The following PIAS2 variants were observed in gnomAD, a reference collection of about 807,000 sequenced individuals.
PIAS2 encodes the protein E3 SUMO-protein ligase PIAS2.
A neutral mutation model predicts 69.7 loss-of-function variants in PIAS2; 19 were observed. The ratio of observed to expected loss-of-function variants is 0.27; its 90% CI spans 0.19 to 0.40. The LOEUF (loss-of-function observed/expected upper bound fraction) is 0.40, where lower values mean the gene tolerates loss of function less well. Among genes scored for constraint, PIAS2 ranks in the 10% least tolerant of loss-of-function variants. The probability of loss-of-function intolerance (pLI) is 1.00; values close to 1 mark genes in which losing one functional copy is unlikely to be tolerated. For missense variants in PIAS2, 624 were observed against 757.0 expected, an observed-to-expected ratio of 0.82 and a Z score of 2.06; for synonymous variants, 261 against 263.2, an observed-to-expected ratio of 0.99 and a Z score of 0.08.
intron 2 of PIAS2, among the ~76,000 whole-genome samples, chr18:46,882,322 T>C (rs2052405452): frequency 6.6e-6 from 1 of 152,124 alleles, no homozygotes; most frequent in Admixed American, 6.5e-5. Context: ...TTGATTCTTA[T>C]TAATTTTTCA....
intron 3 of PIAS2, among the ~76,000 whole-genome samples, chr18:46,857,944 A>G (rs939229217): frequency 1.3e-5 from 2 of 152,228 alleles, no homozygotes; most frequent in African/African-American, 4.8e-5. Flanking sequence ...TTGCAAATGC[A>G]AGCAGTGAAA....
chr18:46,917,351 A>G lies in PIAS2; in HGVS notation c.-6T>C, dbSNP rs1423235221. 2 of 1,465,468 alleles carry G rather than the reference A, an allele frequency of 1.4e-6. No homozygotes were observed. The highest frequency in any genetic ancestry group is 1.8e-6 in the Non-Finnish European group (2 of 1,103,776). The allele number at this position is 1,465,468 out of a possible 1,614,324, so 90.8% of individuals were successfully genotyped here. On this transcript the variant is annotated 5_prime_UTR_variant, in exon 1 of 14. Transcript: ENST00000585916. ...AACTCTTCGAAATCCGCCATTTTAT[A>G]CCACCCGCGGGCGCCGCCGCCGCTG...
At chr18:46,910,049 G>A (rs564372033) in intron 1 of PIAS2, among the ~76,000 whole-genome samples, 7 of 152,040 alleles carry the variant, frequency 4.6e-5, no homozygotes, top group African/African-American at 1.7e-4. Context: ...CCGGCTACTC[G>A]GGAGGCTGAG....
chr18:46,882,332 AC>A (rs2052407732), intron 2 of PIAS2, among the ~76,000 whole-genome samples: 1 of 152,084 alleles, frequency 6.6e-6, no homozygotes. Flanking sequence ...TTAATTTTTC[AC>A]CTTTCAGATT....
chr18:46,853,481 C>T (rs1320340449), intron 5 of PIAS2: 1 of 152,126 alleles, frequency 6.6e-6, no homozygotes, highest in African/African-American at 2.4e-5. Context: ...TGGTTCAGAT[C>T]TTTGTGCAAA....
At chr18:46,856,098 C>T (rs1434600024) in intron 3 of PIAS2, among the ~76,000 whole-genome samples, 4 of 150,146 alleles carry the variant, frequency 2.7e-5, no homozygotes, top group African/African-American at 7.4e-5. Context: ...CTCCGCCTCC[C>T]GGGTTCACGC....
chr18:46,836,917 C>A (rs2044518637), intron 8 of PIAS2, among the ~76,000 whole-genome samples: 4 of 152,160 alleles, frequency 2.6e-5, no homozygotes, highest in Admixed American at 2.6e-4. Context: ...ATACAATACA[C>A]ACTGTTTTCC....
intron 10 of PIAS2, among the ~76,000 whole-genome samples, chr18:46,828,548 C>T (rs1318050542): frequency 1.3e-5 from 2 of 152,182 alleles, no homozygotes; most frequent in Non-Finnish European, 2.9e-5. Flanking sequence ...TTCTCGCACA[C>T]ATGTGGCACA....
At chr18:46,916,615 CTTGTTTT>C (rs1460683478) in intron 1 of PIAS2, among the ~76,000 whole-genome samples, 1 of 152,134 alleles carries the variant, frequency 6.6e-6, no homozygotes, top group Non-Finnish European at 1.5e-5. Flanking sequence ...AAGTTATGAT[CTTGTTTT>C]AAGACTGAGA....
At chr18:46,816,298 T>C (rs2041528336) in intron 12 of PIAS2, 36 of 949,710 alleles carry the variant, frequency 3.8e-5, no homozygotes, top group Admixed American at 6.2e-5. Context: ...TTAAAATATC[T>C]ACTAACCAGT....
chr18:46,850,055 G>A (rs528045297), intron 5 of PIAS2, among the ~76,000 whole-genome samples: 58 of 152,226 alleles, frequency 3.8e-4, no homozygotes, highest in African/African-American at 1.2e-3. Context: ...TCTCCCAGGT[G>A]CCTCAAAATT....
intron 9 of PIAS2, among the ~76,000 whole-genome samples, chr18:46,835,739 C>T (rs1435648713): frequency 6.6e-6 from 1 of 152,128 alleles, no homozygotes; most frequent in African/African-American, 2.4e-5. Context: ...AAAGTCATCA[C>T]CATAGGATGG....
chr18:46,893,529 G>A (rs1293063129), intron 1 of PIAS2: 3 of 801,670 alleles, frequency 3.7e-6, no homozygotes, highest in Non-Finnish European at 4.5e-6. Flanking sequence ...CTGGCTCTAT[G>A]GGCTGTTGTA....
chr18:46,890,788 G>C lies in PIAS2; in HGVS notation c.291C>G (p.Ala97=). 6 of 1,614,128 alleles carry C rather than the reference G, an allele frequency of 3.7e-6. No individual in the cohort carries two copies. Among genetic ancestry groups the C allele is most frequent in the Non-Finnish European group, 5.1e-6 (6 of 1,180,018 alleles). ...GGSSPVEPDL[A]VAGIHSLPST... ...AAGGCAACGAGTGGATTCCAGCCAC[G>C]GCCAAGTCAGGTTCTACAGGTGATG... is the stretch of plus-strand genomic sequence containing the variant. Residue 97 remains alanine, a synonymous_variant, in exon 2 of 14, where the codon GCC becomes GCG. Coordinates refer to ENST00000585916, the MANE Select transcript of PIAS2 (RefSeq NM_004671.5).
At chr18:46,830,062 C>T (rs1336592404) in intron 9 of PIAS2, among the ~76,000 whole-genome samples, 195 bp from the exon 10 acceptor site, 2 of 152,124 alleles carry the variant, frequency 1.3e-5, no homozygotes, top group East Asian at 1.9e-4. Flanking sequence ...TAACAGGCAA[C>T]ATAATAGTTA....
chr18:46,818,212 G>T, intron 12 of PIAS2: 1 of 1,199,904 alleles, frequency 8.3e-7, no homozygotes, highest in Non-Finnish European at 1.0e-6. Flanking sequence ...ACTGCTACAT[G>T]ATTAAATATG....
intron 8 of PIAS2, among the ~76,000 whole-genome samples, chr18:46,836,814 C>T (rs1363395978): frequency 6.6e-6 from 1 of 152,158 alleles, no homozygotes; most frequent in African/African-American, 2.4e-5. Context: ...ATTTAGAGAA[C>T]CACTGTTATC....
chr18:46,920,030 A>G (rs1286725946), upstream of PIAS2: 8 of 1,285,318 alleles, frequency 6.2e-6, no homozygotes, highest in Non-Finnish European at 8.1e-6. Context: ...ACAGTAAGAA[A>G]AGAAAAGCAA....
chr18:46,857,780 C>A (rs1014925569), intron 3 of PIAS2, among the ~76,000 whole-genome samples: 2 of 152,182 alleles, frequency 1.3e-5, no homozygotes, highest in Non-Finnish European at 2.9e-5. Flanking sequence ...ATGACCAAGG[C>A]ATCTTCTGAC....
Sources: allele counts gnomAD v4.1 joint callset (sites outside exome capture counted in the v4.1 genomes callset), GRCh38; gene constraint gnomAD v4.1.1; transcripts MANE v1.5; gene names NCBI Gene and HGNC (gene_info 2026-07-23, HGNC 2026-07-21).